Variants in NLGN1 observed in about 807,000 individuals in gnomAD.
NLGN1 encodes the protein neuroligin-1.
Under a neutral mutation model 65.5 loss-of-function variants are expected in NLGN1, and 12 were observed. That is an observed-to-expected ratio of 0.18 (90% CI 0.12 to 0.30). NLGN1 has a LOEUF of 0.30. Among genes scored for constraint, NLGN1 ranks in the 10% least tolerant of loss-of-function variants. The pLI, the probability that NLGN1 is intolerant of heterozygous loss-of-function variation, is 1.00. For missense variants in NLGN1, 750 were observed against 1,007.1 expected (o/e 0.74, Z 3.46); for synonymous variants, 350 against 359.5 (o/e 0.97, Z 0.30).
chr3:174,174,631 G>A (rs1729119562), intron 4 of NLGN1, among the ~76,000 whole-genome samples: 1 of 151,924 alleles, frequency 6.6e-6, no homozygotes, highest in Admixed American at 6.6e-5. Flanking sequence ...CTTCTTCTGA[G>A]AATTGTCTAT....
chr3:173,714,520 A>C (rs1578090471), intron 3 of NLGN1, among the ~76,000 whole-genome samples: 1 of 152,172 alleles, frequency 6.6e-6, no homozygotes, highest in African/African-American at 2.4e-5. Flanking sequence ...AAGAGTGAAC[A>C]GGCTCTTATG....
At chr3:173,991,395 A>G (rs948055819) in intron 4 of NLGN1, among the ~76,000 whole-genome samples, 99 of 152,284 alleles carry the variant, frequency 6.5e-4, no homozygotes, top group African/African-American at 2.3e-3. Flanking sequence ...ATGACAAAAC[A>G]TTGTGTGACA....
chr3:173,937,800 T>G (rs964601068), intron 4 of NLGN1, among the ~76,000 whole-genome samples: 2 of 152,150 alleles, frequency 1.3e-5, no homozygotes, highest in Non-Finnish European at 2.9e-5. Context: ...GCAAATGTCT[T>G]TCATCAAAAA....
chr3:174,091,189 C>T (rs1260039540), intron 4 of NLGN1, among the ~76,000 whole-genome samples: 3 of 152,138 alleles, frequency 2.0e-5, no homozygotes, highest in South Asian at 2.1e-4. Flanking sequence ...ATCAGTCTGA[C>T]GAATGATTCA....
chr3:173,444,997 C>T (rs1416288810), intron 2 of NLGN1, among the ~76,000 whole-genome samples: 1 of 149,950 alleles, frequency 6.7e-6, no homozygotes, highest in African/African-American at 2.4e-5. Flanking sequence ...CGGGCGCGGT[C>T]GCGGCTCACG....
At chr3:174,002,104 T>C (rs1723422492) in intron 4 of NLGN1, among the ~76,000 whole-genome samples, 1 of 150,880 alleles carries the variant, frequency 6.6e-6, no homozygotes, top group African/African-American at 2.4e-5. Context: ...GGCATGAGAC[T>C]CTTATGGGGA....
At chr3:174,286,266 A>G (rs1752103561) in exon 7 of NLGN1, 1 of 151,550 alleles carries the variant, frequency 6.6e-6, no homozygotes, top group Non-Finnish European at 1.5e-5. Flanking sequence ...TTAATGTGAC[A>G]GAATTTAGTC....
chr3:173,804,665 A>AC (rs2150429236), intron 3 of NLGN1, among the ~76,000 whole-genome samples: 1 of 151,498 alleles, frequency 6.6e-6, no homozygotes, highest in Admixed American at 6.6e-5. Flanking sequence ...ATCAAAAAAA[A>AC]AAAAAAACCC....
intron 4 of NLGN1, among the ~76,000 whole-genome samples, chr3:173,871,468 G>C (rs564114894): frequency 2.6e-5 from 4 of 152,262 alleles, no homozygotes; most frequent in African/African-American, 9.6e-5. Flanking sequence ...GACAGATCTT[G>C]ATCTTTCTTT....
intron 2 of NLGN1, among the ~76,000 whole-genome samples, chr3:173,584,399 A>AT (rs66827074): frequency 0.13 from 3,964 of 30,808 alleles, 929 homozygotes; most frequent in East Asian, 0.19. Flanking sequence ...GGTCCTCGGC[A>AT]TTTTTTTTTT....
chr3:173,400,842 A>T (rs1717548614), intron 1 of NLGN1, among the ~76,000 whole-genome samples: 2 of 152,250 alleles, frequency 1.3e-5, no homozygotes, highest in Admixed American at 1.3e-4. Context: ...TAAATGTATT[A>T]TTTATAAATA....
intron 4 of NLGN1, among the ~76,000 whole-genome samples, chr3:174,105,035 G>T (rs1442126681): frequency 6.6e-6 from 1 of 152,108 alleles, no homozygotes; most frequent in African/African-American, 2.4e-5. Flanking sequence ...ACATGGAAAA[G>T]AATGAGTCGT....
chr3:173,918,963 G>A (rs971716233), intron 4 of NLGN1, among the ~76,000 whole-genome samples: 2 of 151,968 alleles, frequency 1.3e-5, no homozygotes, highest in African/African-American at 4.8e-5. Flanking sequence ...TCCTCTGCTG[G>A]TTTTGAATAA....
chr3:173,976,251 T>G (rs1004170113), intron 4 of NLGN1, among the ~76,000 whole-genome samples: 4 of 152,062 alleles, frequency 2.6e-5, no homozygotes, highest in African/African-American at 9.7e-5. Flanking sequence ...AAGGTATTCT[T>G]AAGTATTGGC....
intron 1 of NLGN1, among the ~76,000 whole-genome samples, chr3:173,398,826 G>A (rs1366969891): frequency 1.3e-5 from 2 of 151,994 alleles, no homozygotes; most frequent in Non-Finnish European, 2.9e-5. Flanking sequence ...GACTATTTTT[G>A]CTTAAGTCAA....
At chr3:174,055,150 C>CTTT (rs113474137) in intron 4 of NLGN1, among the ~76,000 whole-genome samples, 6 of 117,608 alleles carry the variant, frequency 5.1e-5, no homozygotes, top group Non-Finnish European at 9.1e-5. Flanking sequence ...AAGGAGCTTG[C>CTTT]TTTTTTTTTT....
At chr3:174,061,797 G>A (rs1317951374) in intron 4 of NLGN1, among the ~76,000 whole-genome samples, 1 of 152,096 alleles carries the variant, frequency 6.6e-6, no homozygotes, top group African/African-American at 2.4e-5. Flanking sequence ...TCCAGTTACT[G>A]GATCTCCATT....
At chr3:173,415,935 A>AGCGAGC (rs1220323177) in intron 1 of NLGN1, among the ~76,000 whole-genome samples, 7 of 137,332 alleles carry the variant, frequency 5.1e-5, no homozygotes, top group Admixed American at 2.1e-4. Flanking sequence ...AGAGAGAGAG[A>AGCGAGC]GAGAGAGAGC....
intron 4 of NLGN1, among the ~76,000 whole-genome samples, chr3:174,086,482 A>G (rs1743422958): frequency 6.6e-6 from 1 of 151,472 alleles, no homozygotes; most frequent in South Asian, 2.1e-4. Context: ...TATTCACTAC[A>G]TGCTCTAAAA....
Sources: gnomAD v4.1 joint callset for allele counts (sites outside exome capture counted in the v4.1 genomes callset) on GRCh38, gnomAD v4.1.1 for gene constraint, MANE v1.5 for transcripts, NCBI Gene and HGNC (gene_info 2026-07-23, HGNC 2026-07-21) for gene names.